The following PHACTR1 variants were observed in gnomAD, a reference collection of about 807,000 sequenced individuals.
The protein encoded by PHACTR1 is phosphatase and actin regulator 1, also known as RPEL repeat containing 1.
In PHACTR1, 16 loss-of-function variants were observed where a neutral mutation model predicts 69.2. That is an observed-to-expected ratio of 0.23 (90% CI 0.16 to 0.35). PHACTR1 has a LOEUF of 0.35. PHACTR1 is among the 10% of genes least tolerant of loss of function. The pLI is 1.00. For synonymous variants in PHACTR1, 312 were observed against 284.5 expected, an observed-to-expected ratio of 1.10 and a Z score of -0.97; for missense variants, 510 against 734.7, an observed-to-expected ratio of 0.69 and a Z score of 3.54.
intron 6 of PHACTR1, among the ~76,000 whole-genome samples, chr6:13,176,235 T>A (rs940421331): frequency 7.2e-5 from 11 of 152,194 alleles, no homozygotes; most frequent in African/African-American, 2.4e-4. Flanking sequence ...GATCATTAAG[T>A]TCTATATCAT....
chr6:12,902,708 A>C (rs541823445), intron 4 of PHACTR1, among the ~76,000 whole-genome samples: 1 of 152,330 alleles, frequency 6.6e-6, no homozygotes, highest in South Asian at 2.1e-4. Context: ...TCCATCAATC[A>C]ACTGGATGAT....
chr6:13,138,333 G>C (rs1821874752), intron 5 of PHACTR1, among the ~76,000 whole-genome samples: 2 of 152,144 alleles, frequency 1.3e-5, no homozygotes, highest in Admixed American at 6.5e-5. Context: ...CATCTCAAAG[G>C]CCCAGAGAAA....
At chr6:13,013,647 T>C (rs937690439) in intron 4 of PHACTR1, among the ~76,000 whole-genome samples, 1 of 151,644 alleles carries the variant, frequency 6.6e-6, no homozygotes, top group Non-Finnish European at 1.5e-5. Flanking sequence ...GCTTCTCAGG[T>C]AGGACCCAGG....
intron 4 of PHACTR1, 48 bp downstream of exon 4, chr6:12,749,838 C>A (rs1368367931): frequency 6.8e-7 from 1 of 1,469,718 alleles, no homozygotes; most frequent in African/African-American, 1.4e-5. Flanking sequence ...CTGCTCCCTC[C>A]CTCCCCGGCT....
intron 4 of PHACTR1, among the ~76,000 whole-genome samples, chr6:12,982,018 C>T (rs1057157353): frequency 1.3e-5 from 2 of 152,120 alleles, no homozygotes; most frequent in Non-Finnish European, 2.9e-5. Context: ...TTTTTGCTTA[C>T]TCTCTCCCTT....
At chr6:12,867,033 AAG>A (rs891436226) in intron 4 of PHACTR1, among the ~76,000 whole-genome samples, 4 of 151,090 alleles carry the variant, frequency 2.6e-5, no homozygotes, top group Admixed American at 6.6e-5. Flanking sequence ...ACCTGTAGTG[AAG>A]AGAGAGAGAG....
chr6:13,060,570 A>G (rs1378806861), intron 5 of PHACTR1, among the ~76,000 whole-genome samples: 1 of 152,224 alleles, frequency 6.6e-6, no homozygotes, highest in African/African-American at 2.4e-5. Context: ...AGGCACAGAA[A>G]GAAGGGCTAG....
chr6:13,151,363 A>G (rs993599402), intron 5 of PHACTR1, among the ~76,000 whole-genome samples: 1 of 152,248 alleles, frequency 6.6e-6, no homozygotes, highest in African/African-American at 2.4e-5. Flanking sequence ...CTTCATCTTT[A>G]CTTCATCAAT....
At chr6:12,830,903 A>T (rs1018580485) in intron 4 of PHACTR1, among the ~76,000 whole-genome samples, 4 of 152,106 alleles carry the variant, frequency 2.6e-5, no homozygotes, top group South Asian at 2.1e-4. Context: ...GCCTCAAAAA[A>T]TTTTTTTATT....
At chr6:12,781,227 G>A (rs1468864621) in intron 4 of PHACTR1, among the ~76,000 whole-genome samples, 1 of 152,118 alleles carries the variant, frequency 6.6e-6, no homozygotes, top group African/African-American at 2.4e-5. Flanking sequence ...TTCTCCTTTT[G>A]CCCACATGCT....
At chr6:12,944,777 A>ATTTATTTTTTT (rs1554172498) in intron 4 of PHACTR1, among the ~76,000 whole-genome samples, 48 of 135,726 alleles carry the variant, frequency 3.5e-4, no homozygotes, top group African/African-American at 1.3e-3. Flanking sequence ...TTATTTATTT[A>ATTTATTTTTTT]TTTTTATTTA....
chr6:13,286,790 AAGTATTT>A (rs754836896), intron 14 of PHACTR1, among the ~76,000 whole-genome samples: 1 of 152,234 alleles, frequency 6.6e-6, no homozygotes, highest in Non-Finnish European at 1.5e-5. Context: ...AGGATATAGC[AAGTATTT>A]AGTCTAGAGA....
At chr6:13,018,373 T>C (rs1011777272) in intron 4 of PHACTR1, among the ~76,000 whole-genome samples, 44 of 152,296 alleles carry the variant, frequency 2.9e-4, no homozygotes, top group African/African-American at 8.4e-4. Context: ...CTGTTTTCAG[T>C]GTCTCCTCTG....
intron 6 of PHACTR1, among the ~76,000 whole-genome samples, chr6:13,163,252 A>G (rs918377311): frequency 1.3e-5 from 2 of 152,222 alleles, no homozygotes; most frequent in Non-Finnish European, 2.9e-5. Context: ...TCAAAAAAGG[A>G]AATAAATAAG....
At chr6:13,231,203 AAGG>A (rs1771029491) in intron 10 of PHACTR1, among the ~76,000 whole-genome samples, 1 of 149,118 alleles carries the variant, frequency 6.7e-6, no homozygotes, top group South Asian at 2.2e-4. Context: ...GGAAAGAAGG[AAGG>A]AAGGAAGGGA....
chr6:13,036,370 G>A (rs1803309458), intron 4 of PHACTR1, among the ~76,000 whole-genome samples: 2 of 152,148 alleles, frequency 1.3e-5, no homozygotes, highest in Non-Finnish European at 2.9e-5. Context: ...AATAATGAGA[G>A]CTGTTTATAA....
At chr6:13,200,990 G>C (rs142893163) in intron 7 of PHACTR1, among the ~76,000 whole-genome samples, 1 of 151,598 alleles carries the variant, frequency 6.6e-6, no homozygotes, top group East Asian at 1.9e-4. Flanking sequence ...GAAATATAAT[G>C]CTGGAACCCA....
chr6:12,820,194 T>G (rs1336198083), intron 4 of PHACTR1, among the ~76,000 whole-genome samples: 3 of 152,202 alleles, frequency 2.0e-5, no homozygotes, highest in Admixed American at 2.0e-4. Context: ...TTTTGTTTTG[T>G]TTTTTGAGAT....
chr6:13,230,447 G>A, intron 10 of PHACTR1: 1 of 675,088 alleles, frequency 1.5e-6, no homozygotes, highest in East Asian at 5.7e-5. Flanking sequence ...TCGGGAGGCT[G>A]AGGCAGGAGG....
Sources: allele counts gnomAD v4.1 joint callset (sites outside exome capture counted in the v4.1 genomes callset), GRCh38; gene constraint gnomAD v4.1.1; transcripts MANE v1.5; gene names NCBI Gene and HGNC (gene_info 2026-07-23, HGNC 2026-07-21).